Variants in GPC5 observed in about 807,000 individuals in gnomAD.
GPC5 encodes the protein glypican-5.
GPC5 carries 47 observed loss-of-function variants against 53.9 expected under a neutral mutation model. That is an observed-to-expected ratio of 0.87 (90% CI 0.69 to 1.11). The LOEUF (loss-of-function observed/expected upper bound fraction) is 1.11. Ranked by LOEUF, GPC5 falls within the 50% of genes most tolerant of loss-of-function variation. The pLI, the probability that GPC5 is intolerant of heterozygous loss-of-function variation, is 0.00. For synonymous variants in GPC5, 286 were observed against 263.3 expected (o/e 1.09, Z -0.84); for missense variants, 748 against 713.1 (o/e 1.05, Z -0.56).
At chr13:91,712,919 G>A (rs911916517) in intron 3 of GPC5, among the ~76,000 whole-genome samples, 3 of 152,138 alleles carry the variant, frequency 2.0e-5, no homozygotes, top group South Asian at 2.1e-4. Flanking sequence ...GGCCAGGTGC[G>A]GTGGCTCACG....
At chr13:92,392,547 A>G (rs1423001027) in intron 7 of GPC5, among the ~76,000 whole-genome samples, 1 of 152,220 alleles carries the variant, frequency 6.6e-6, no homozygotes, top group African/African-American at 2.4e-5. Context: ...GCAGAAATTG[A>G]CAAGTGGGAT....
chr13:92,864,571 A>T (rs892013906), intron 7 of GPC5, among the ~76,000 whole-genome samples: 12 of 152,138 alleles, frequency 7.9e-5, no homozygotes, highest in Admixed American at 2.0e-4. Flanking sequence ...AGAAAAAAAA[A>T]ATATTTTTAA....
intron 2 of GPC5, among the ~76,000 whole-genome samples, chr13:91,466,034 A>G (rs1882214955): frequency 1.3e-5 from 2 of 152,150 alleles, no homozygotes. Context: ...TGGGTCCCCC[A>G]CCAGGTTACT....
intron 2 of GPC5, among the ~76,000 whole-genome samples, chr13:91,542,071 C>T (rs1424261709): frequency 6.6e-6 from 1 of 150,940 alleles, no homozygotes; most frequent in East Asian, 1.9e-4. Context: ...TTAAATCAAC[C>T]TTAAATTGCT....
intron 7 of GPC5, among the ~76,000 whole-genome samples, chr13:92,379,244 A>C (rs1257599563): frequency 1.3e-5 from 2 of 152,164 alleles, no homozygotes; most frequent in Non-Finnish European, 2.9e-5. Context: ...GGTGAAGTTC[A>C]TTTTGGTTAA....
chr13:92,129,535 C>G (rs916021425), intron 6 of GPC5, among the ~76,000 whole-genome samples: 2 of 152,084 alleles, frequency 1.3e-5, no homozygotes, highest in Non-Finnish European at 2.9e-5. Flanking sequence ...AAGCACAGCT[C>G]CACAGATTCA....
Position 92,476,173 on chromosome 13 carries a change from C to A in GPC5, c.1561+331184C>A, listed in dbSNP as rs569018918. 1.5e-4 allele frequency among the ~76,000 whole-genome samples: 23 copies of A among 152,190 alleles called. No homozygotes were observed. In the South Asian group the frequency reaches 4.6e-3, roughly 30 times the overall value. On this transcript the variant is annotated intron_variant, in intron 7 of 7. Coordinates refer to ENST00000377067, the MANE Select transcript of GPC5 (RefSeq NM_004466.6). ...ACAAAGGGCTAACATTCAGAATCTA[C>A]AATGAACTCAAACAAATTTACAAGA... is the stretch of plus-strand genomic sequence containing the variant.
intron 6 of GPC5, among the ~76,000 whole-genome samples, chr13:91,984,231 G>A (rs924917206): frequency 1.7e-4 from 26 of 152,172 alleles, no homozygotes; most frequent in Middle Eastern, 6.8e-3. Flanking sequence ...ATTCTGCACT[G>A]GCAGTTATTG....
rs184669434 is a variant in GPC5 at position 91,503,092 on chromosome 13, A to G, written c.325+54170A>G. Among the ~76,000 whole-genome samples the G allele has an allele frequency of 3.7e-3, 562 of 152,098 alleles. 1 individual carries two copies. The highest frequency in any genetic ancestry group is 5.8e-3 in the Non-Finnish European group (395 of 68,012). On this transcript the variant is annotated intron_variant, in intron 2 of 7. Coordinates refer to ENST00000377067, the MANE Select transcript of GPC5 (RefSeq NM_004466.6). Reference sequence around the variant, plus strand: ...GTGGAGATAACTTAGAAAAACATCAATATATTTACTATGCATGCTTCATTA... The same window carrying G: ...GTGGAGATAACTTAGAAAAACATCAGTATATTTACTATGCATGCTTCATTA...
intron 7 of GPC5, among the ~76,000 whole-genome samples, chr13:92,253,233 G>C (rs776009850): frequency 6.6e-6 from 1 of 152,044 alleles, no homozygotes; most frequent in Non-Finnish European, 1.5e-5. Context: ...ACAAAGAAAA[G>C]AGTGAGCGTT....
At chr13:91,863,214 A>T (rs2039049102) in intron 5 of GPC5, among the ~76,000 whole-genome samples, 1 of 152,124 alleles carries the variant, frequency 6.6e-6, no homozygotes, top group Non-Finnish European at 1.5e-5. Context: ...TTTTCATTGC[A>T]TCCTATCAGG....
chr13:91,568,690 A>G (rs1449018412), intron 2 of GPC5, among the ~76,000 whole-genome samples: 3 of 151,928 alleles, frequency 2.0e-5, no homozygotes, highest in Non-Finnish European at 4.4e-5. Flanking sequence ...GAAGGCCACC[A>G]GTACTTATCT....
chr13:91,671,780 C>CA (rs55758033), intron 2 of GPC5, among the ~76,000 whole-genome samples: 6,658 of 33,004 alleles, frequency 0.2, 826 homozygotes, highest in East Asian at 0.32. Context: ...CAATCTGAAG[C>CA]AAAAAAAAAA....
chr13:91,413,401 A>T (rs1594054514), intron 1 of GPC5, among the ~76,000 whole-genome samples: 1 of 152,250 alleles, frequency 6.6e-6, no homozygotes, highest in African/African-American at 2.4e-5. Flanking sequence ...AACAAATCCC[A>T]AACAATGTGG....
chr13:92,381,543 C>T (rs2043738876), intron 7 of GPC5, among the ~76,000 whole-genome samples: 1 of 152,058 alleles, frequency 6.6e-6, no homozygotes, highest in Admixed American at 6.6e-5. Context: ...CACTTCTACA[C>T]TGCTTGTGGG....
chr13:92,213,367 A>G (rs1320123293), intron 7 of GPC5, among the ~76,000 whole-genome samples: 2 of 152,170 alleles, frequency 1.3e-5, no homozygotes, highest in Non-Finnish European at 2.9e-5. Context: ...CAGTGACTAG[A>G]AGGACAGCCC....
chr13:92,549,043 T>A (rs1001053700), intron 7 of GPC5, among the ~76,000 whole-genome samples: 16 of 152,176 alleles, frequency 1.1e-4, no homozygotes, highest in African/African-American at 3.1e-4. Flanking sequence ...TAATACCCAC[T>A]ATTTTTTCTG....
At chr13:91,432,082 G>C (rs1184164579) in intron 1 of GPC5, among the ~76,000 whole-genome samples, 1 of 152,080 alleles carries the variant, frequency 6.6e-6, no homozygotes, top group Admixed American at 6.6e-5. Flanking sequence ...AGTCTTTCTG[G>C]TGAGTTGGCA....
chr13:92,835,935 G>C (rs1278369274), intron 7 of GPC5, among the ~76,000 whole-genome samples: 1 of 151,926 alleles, frequency 6.6e-6, no homozygotes, highest in African/African-American at 2.4e-5. Flanking sequence ...AAATTACAGT[G>C]AGTCTGAACA....
Sources: allele counts gnomAD v4.1 joint callset (sites outside exome capture counted in the v4.1 genomes callset), GRCh38; gene constraint gnomAD v4.1.1; transcripts MANE v1.5; gene names NCBI Gene and HGNC (gene_info 2026-07-23, HGNC 2026-07-21).